The following MAP4K3 variants were observed in gnomAD, a reference collection of about 807,000 sequenced individuals.
MAP4K3 encodes MAPK/ERK kinase kinase kinase 3.
A neutral mutation model predicts 143.5 loss-of-function variants in MAP4K3; 94 were observed. The ratio of observed to expected loss-of-function variants is 0.65; its 90% CI spans 0.55 to 0.78. The LOEUF is 0.78. Among genes scored for constraint, MAP4K3 ranks in the 30% least tolerant of loss-of-function variants. MAP4K3 has a pLI of 0.00. For missense variants in MAP4K3, 1,077 were observed against 1,068.1 expected, an observed-to-expected ratio of 1.01 and a Z score of -0.12; for synonymous variants, 416 against 347.2, an observed-to-expected ratio of 1.20 and a Z score of -2.20.
chr2:39,393,884 C>T (rs1460525036), intron 1 of MAP4K3, among the ~76,000 whole-genome samples: 2 of 152,136 alleles, frequency 1.3e-5, no homozygotes, highest in African/African-American at 2.4e-5. Flanking sequence ...AAAAAATCTG[C>T]ATATGTGGAC....
rs867751109 is a variant in MAP4K3, at chr2:39,389,849, G to A, written c.97-11726C>T. The stretch of plus-strand genomic sequence containing the variant: ...AGTATCAAATAAACTACCAATCTTG[G>A]GTAGAGATAAACATTGATGACTGTA... On this transcript the variant is annotated intron_variant, in intron 1 of 33. Transcript: ENST00000263881. Among the ~76,000 whole-genome samples, 3 of 152,180 alleles carry A rather than the reference G, an allele frequency of 2.0e-5. No homozygotes were observed. In the South Asian group the frequency reaches 6.2e-4, roughly 32 times the overall value.
chr2:39,408,862 A>T (rs1667163811), intron 1 of MAP4K3, among the ~76,000 whole-genome samples: 1 of 152,190 alleles, frequency 6.6e-6, no homozygotes, highest in South Asian at 2.1e-4. Flanking sequence ...AATGGGTTTG[A>T]TTCTCCAAGA....
chr2:39,290,396 A>T, intron 18 of MAP4K3, 62 bp from the exon 19 acceptor site: 1 of 1,089,078 alleles, frequency 9.2e-7, no homozygotes, highest in South Asian at 1.5e-5. Flanking sequence ...ATCCTAAAAT[A>T]TAATAATTTT....
chr2:39,402,528 G>C lies in MAP4K3; in HGVS notation c.97-24405C>G, dbSNP rs200449280. On this transcript the variant is annotated intron_variant, in intron 1 of 33. Transcript: ENST00000263881. ...AAAAGAAACACAGCAACAAATGCTC[G>C]TAAAAGGAAAAAAAGAAAGGAAACA... is the stretch of plus-strand genomic sequence containing the variant. 3.1e-4 allele frequency among the ~76,000 whole-genome samples: 47 copies of C among 151,972 alleles called. 1 individual carries two copies. In the East Asian group the frequency reaches 3.7e-3, roughly 12 times the overall value.
intron 29 of MAP4K3, among the ~76,000 whole-genome samples, 171 bp from the exon 30 acceptor site, chr2:39,258,758 T>C (rs1680445665): frequency 6.6e-6 from 1 of 152,236 alleles, no homozygotes; most frequent in African/African-American, 2.4e-5. Flanking sequence ...ATGCAAGTGC[T>C]AAACAACGTA....
intron 1 of MAP4K3, among the ~76,000 whole-genome samples, chr2:39,433,926 GTAA>G (rs1366857849): frequency 6.6e-6 from 1 of 152,200 alleles, no homozygotes; most frequent in African/African-American, 2.4e-5. Context: ...GCATATGATG[GTAA>G]TAATATCTCC....
At chr2:39,425,935 G>C (rs989702613) in intron 1 of MAP4K3, among the ~76,000 whole-genome samples, 5 of 152,172 alleles carry the variant, frequency 3.3e-5, no homozygotes, top group African/African-American at 1.2e-4. Context: ...AATAATTCAA[G>C]TAGAAATCAA....
At chr2:39,309,414 T>C (rs758338807) in intron 14 of MAP4K3, 47 bp downstream of exon 14, 2 of 1,403,716 alleles carry the variant, frequency 1.4e-6, no homozygotes, top group Non-Finnish European at 9.9e-7. Context: ...AAAAACAAAT[T>C]AAAACATTTA....
chr2:39,323,983 T>C (rs1683404904), intron 12 of MAP4K3, among the ~76,000 whole-genome samples: 1 of 152,228 alleles, frequency 6.6e-6, no homozygotes, highest in African/African-American at 2.4e-5. Context: ...CTTTGCAGAA[T>C]TTTAGCTTAT....
At position 39,261,293 on chromosome 2, in the gene MAP4K3, A is replaced by G. The variant is rs576015025; in HGVS notation, c.2137-516T>C. 1.0e-4 allele frequency among the ~76,000 whole-genome samples: 15 copies of G among 150,548 alleles called. No individual in the cohort carries two copies. In the South Asian group the frequency reaches 3.2e-3, roughly 32 times the overall value. ...TATCTCAAGTGATTTTTATCAAATC[A>G]ACTCAGTTATAATACAACCCATTTT... On this transcript the variant is annotated intron_variant, in intron 28 of 33. Transcript: ENST00000263881.
intron 13 of MAP4K3, among the ~76,000 whole-genome samples, chr2:39,309,931 G>A (rs1312932073): frequency 2.0e-5 from 3 of 152,032 alleles, no homozygotes; most frequent in Non-Finnish European, 4.4e-5. Context: ...GACATTTAAT[G>A]CTACCATCAA....
intron 2 of MAP4K3, among the ~76,000 whole-genome samples, chr2:39,376,637 A>G (rs1290346628): frequency 2.0e-5 from 3 of 152,248 alleles, no homozygotes; most frequent in Middle Eastern, 3.2e-3. Context: ...AGGCAAGTCT[A>G]GAATGACAAT....
At chr2:39,267,723 A>G (rs958907907) in intron 26 of MAP4K3, among the ~76,000 whole-genome samples, 8 of 151,828 alleles carry the variant, frequency 5.3e-5, no homozygotes, top group African/African-American at 1.9e-4. Flanking sequence ...TCCCCTTCTC[A>G]TGGCCCCCAA....
intron 14 of MAP4K3, 133 bp downstream of exon 14, chr2:39,309,328 T>C: frequency 4.9e-6 from 3 of 616,244 alleles, no homozygotes; most frequent in South Asian, 2.2e-5. Context: ...TCTTACTATG[T>C]TGACCAGGCT....
chr2:39,267,023 T>C (rs1417616895), intron 27 of MAP4K3, among the ~76,000 whole-genome samples, 166 bp downstream of exon 27: 3 of 152,188 alleles, frequency 2.0e-5, no homozygotes, highest in Non-Finnish European at 4.4e-5. Flanking sequence ...TGCAAGGTAC[T>C]ATGTATTAGG....
intron 3 of MAP4K3, 142 bp from the exon 4 acceptor site, chr2:39,343,594 T>G (rs887345076): frequency 1.6e-6 from 1 of 611,572 alleles, no homozygotes; most frequent in South Asian, 2.3e-5. Flanking sequence ...AATTAATCTT[T>G]ATGAGTAATG....
At chr2:39,256,824 C>T (rs984645655) in intron 31 of MAP4K3, among the ~76,000 whole-genome samples, 2 of 152,116 alleles carry the variant, frequency 1.3e-5, no homozygotes, top group Non-Finnish European at 2.9e-5. Flanking sequence ...ACCATCATGC[C>T]TGATTATCAG....
chr2:39,331,560 A>T (rs889794652), intron 8 of MAP4K3, among the ~76,000 whole-genome samples: 3 of 152,150 alleles, frequency 2.0e-5, no homozygotes, highest in Admixed American at 2.0e-4. Flanking sequence ...ATGTTGAAAG[A>T]TTAATCACAA....
At position 39,299,801 on chromosome 2, in the gene MAP4K3, C is replaced by A; in HGVS notation, c.1120G>T (p.Asp374Tyr). Residue 374 changes from aspartate to tyrosine, a missense_variant and splice_region_variant, in exon 16 of 34, where the codon GAT (aspartate) becomes TAT (tyrosine). Asp to Tyr is a radical substitution (Grantham distance 160). This residue lies in a region of MAP4K3 where 864 missense variants were observed against 801.2 expected (regional missense o/e 1.08). Transcript: ENST00000263881. ...EIYYTARSNL[D>Y]LQLEYGQGHQ... ...CCTTGTCCATATTCCAGTTGCAGAT[C>A]CTAATAGTACAAAATAAAATATTTA... 1 of 1,548,596 alleles carries A rather than the reference C, an allele frequency of 6.5e-7. No individual in the cohort carries two copies. The highest frequency in any genetic ancestry group is 1.9e-5 in the Admixed American group (1 of 52,734).
Sources: gnomAD v4.1 joint callset for allele counts (sites outside exome capture counted in the v4.1 genomes callset) on GRCh38, gnomAD v4.1.1 for gene constraint, gnomAD v4.1.1 regional missense constraint, MANE v1.5 for transcripts, NCBI Gene and HGNC (gene_info 2026-07-23, HGNC 2026-07-21) for gene names.